EDAR: variants seen among roughly 807,000 people sequenced by gnomAD.
EDAR encodes the protein tumor necrosis factor receptor superfamily member EDAR.
A neutral mutation model predicts 51.3 loss-of-function variants in EDAR; 38 were observed. That is an observed-to-expected ratio of 0.74 (90% confidence interval 0.57 to 0.97). The LOEUF (loss-of-function observed/expected upper bound fraction) is 0.97. Among genes scored for constraint, EDAR ranks in the 50% least tolerant of loss-of-function variants. The pLI, the probability that EDAR is intolerant of heterozygous loss-of-function variation, is 0.00. For missense variants in EDAR, 528 were observed against 595.0 expected, an observed-to-expected ratio of 0.89 and a Z score of 1.17; for synonymous variants, 227 against 242.1, an observed-to-expected ratio of 0.94 and a Z score of 0.58.
intron 1 of EDAR, among the ~76,000 whole-genome samples, chr2:108,971,465 C>T (rs1294771427): frequency 1.3e-5 from 2 of 152,052 alleles, no homozygotes; most frequent in African/African-American, 2.4e-5. Context: ...CAACCCTGCC[C>T]GCACAGTAGC....
At chr2:108,973,376 G>A (rs528957624) in intron 1 of EDAR, among the ~76,000 whole-genome samples, 12 of 152,298 alleles carry the variant, frequency 7.9e-5, no homozygotes, top group African/African-American at 1.9e-4. Context: ...GCAGGAGGGC[G>A]GTGCAGAGAG....
At chr2:108,965,244 G>A (rs934618983) in intron 1 of EDAR, among the ~76,000 whole-genome samples, 1 of 152,062 alleles carries the variant, frequency 6.6e-6, no homozygotes, top group Admixed American at 6.5e-5. Flanking sequence ...TTGGGAGGCC[G>A]AGGCAGGCGG....
In EDAR at chr2:108,931,411, A is replaced by G. The variant is rs1697364475; in HGVS notation, c.-18-379T>C. 2.0e-5 allele frequency among the ~76,000 whole-genome samples: 3 copies of G among 152,214 alleles called. No homozygotes were observed. The South Asian group carries it at 6.2e-4, about 32-fold the overall frequency. On this transcript the variant is annotated intron_variant, in intron 1 of 11. Transcript: ENST00000258443. Reference sequence around the variant, plus strand: ...TGGCCTCTGGGCTCCAGGACTTAGGAGGACCCCTGGAGAGACTGCCAGGAA... The same window carrying G: ...TGGCCTCTGGGCTCCAGGACTTAGGGGGACCCCTGGAGAGACTGCCAGGAA...
intron 1 of EDAR, among the ~76,000 whole-genome samples, chr2:108,954,571 C>T (rs1469683484): frequency 2.6e-5 from 4 of 152,200 alleles, no homozygotes; most frequent in Admixed American, 2.0e-4. Context: ...TCCCACCCAG[C>T]CCTGTGCCTG....
At chr2:108,938,077 A>C (rs1697510865) in intron 1 of EDAR, among the ~76,000 whole-genome samples, 1 of 152,252 alleles carries the variant, frequency 6.6e-6, no homozygotes, top group Non-Finnish European at 1.5e-5. Flanking sequence ...ACAAATAAGC[A>C]TGTCCAATTC....
At chr2:108,924,524 A>C (rs1697215690) in intron 4 of EDAR, among the ~76,000 whole-genome samples, 1 of 152,184 alleles carries the variant, frequency 6.6e-6, no homozygotes, top group African/African-American at 2.4e-5. Context: ...ATGAGAAGGA[A>C]TATTTCCATG....
chr2:108,971,162 G>A (rs960113231), intron 1 of EDAR, among the ~76,000 whole-genome samples: 2 of 152,126 alleles, frequency 1.3e-5, no homozygotes, highest in African/African-American at 4.8e-5. Context: ...TGATGGTGCT[G>A]GCTACATGTT....
chr2:108,952,795 C>T (rs547625521), intron 1 of EDAR, among the ~76,000 whole-genome samples: 72 of 152,288 alleles, frequency 4.7e-4, no homozygotes, highest in African/African-American at 1.6e-3. Context: ...TGCCAGACAT[C>T]GTAATGATAT....
At chr2:108,971,500 G>A (rs1048059731) in intron 1 of EDAR, among the ~76,000 whole-genome samples, 7 of 151,846 alleles carry the variant, frequency 4.6e-5, no homozygotes, top group African/African-American at 1.7e-4. Flanking sequence ...CTTAAAACCA[G>A]GCATCAGTCT....
At chr2:108,972,961 A>C (rs1192056399) in intron 1 of EDAR, among the ~76,000 whole-genome samples, 1 of 152,156 alleles carries the variant, frequency 6.6e-6, no homozygotes, top group Admixed American at 6.5e-5. Flanking sequence ...AGGTCTCAGC[A>C]GGTGTTTATT....
intron 1 of EDAR, among the ~76,000 whole-genome samples, chr2:108,945,108 G>T (rs1295131149): frequency 6.6e-6 from 1 of 152,122 alleles, no homozygotes; most frequent in Non-Finnish European, 1.5e-5. Context: ...ATGTATGTGG[G>T]CGCTGCCTGT....
At chr2:108,963,520 A>G (rs769018601) in intron 1 of EDAR, among the ~76,000 whole-genome samples, 6 of 152,148 alleles carry the variant, frequency 3.9e-5, no homozygotes, top group Admixed American at 6.5e-5. Context: ...ATGTACCCCA[A>G]TGGTTTCGTC....
chr2:108,914,009 C>T (rs1207245427), intron 5 of EDAR, among the ~76,000 whole-genome samples: 1 of 149,642 alleles, frequency 6.7e-6, no homozygotes, highest in Admixed American at 6.7e-5. Context: ...GCCTATAATC[C>T]CAGCACTTTG....
intron 5 of EDAR, 130 bp downstream of exon 5, chr2:108,923,238 A>G: frequency 1.1e-6 from 1 of 896,388 alleles, no homozygotes; most frequent in Non-Finnish European, 1.9e-6. Context: ...CCACAGGAGC[A>G]CTTTCACTAG....
At chr2:108,952,189 T>A (rs1473473956) in intron 1 of EDAR, among the ~76,000 whole-genome samples, 4 of 152,212 alleles carry the variant, frequency 2.6e-5, no homozygotes, top group South Asian at 4.1e-4. Context: ...ATTTCAGGTA[T>A]GAGCACCATG....
intron 1 of EDAR, among the ~76,000 whole-genome samples, chr2:108,956,241 T>C (rs1697923218): frequency 1.3e-5 from 2 of 152,220 alleles, no homozygotes; most frequent in East Asian, 3.9e-4. Context: ...CTGTCATAAA[T>C]ACAGTTGCAA....
chr2:108,901,923 G>A (rs1696707757), intron 11 of EDAR, among the ~76,000 whole-genome samples: 1 of 152,110 alleles, frequency 6.6e-6, no homozygotes, highest in African/African-American at 2.4e-5. Context: ...GGCCAAGATG[G>A]TGAAACCTCA....
chr2:108,901,503 ATAAAG>A (rs763440097), intron 11 of EDAR, among the ~76,000 whole-genome samples: 1 of 152,232 alleles, frequency 6.6e-6, no homozygotes. Flanking sequence ...ATTGAAAACT[ATAAAG>A]TAAAAGAGAT....
At chr2:108,951,625 C>T (rs534440158) in intron 1 of EDAR, among the ~76,000 whole-genome samples, 2 of 152,180 alleles carry the variant, frequency 1.3e-5, no homozygotes, top group East Asian at 3.9e-4. Context: ...GGGAAGGGCA[C>T]TGGATCAGGA....
Sources: allele counts gnomAD v4.1 joint callset (sites outside exome capture counted in the v4.1 genomes callset), GRCh38; gene constraint gnomAD v4.1.1; transcripts MANE v1.5; gene names NCBI Gene and HGNC (gene_info 2026-07-23, HGNC 2026-07-21).